SLC9A9: variants seen among roughly 807,000 people sequenced by gnomAD.
SLC9A9 encodes solute carrier family 9 member A9, also known as sodium/hydrogen exchanger 9.
In SLC9A9, 62 loss-of-function variants were observed where a neutral mutation model predicts 77.8. The observed-to-expected ratio is 0.80, with a 90% CI of 0.65 to 0.98. The LOEUF (loss-of-function observed/expected upper bound fraction) is 0.98, where lower values mean the gene tolerates loss of function less well. Among genes scored for constraint, SLC9A9 ranks in the 50% least tolerant of loss-of-function variants. The pLI, the probability that SLC9A9 is intolerant of heterozygous loss-of-function variation, is 0.00. For synonymous variants in SLC9A9, 320 were observed against 283.5 expected (o/e 1.13, Z -1.29); for missense variants, 775 against 774.9 (o/e 1.00, Z 0.00).
At chr3:143,418,794 A>G (rs972833238) in intron 12 of SLC9A9, among the ~76,000 whole-genome samples, 1 of 152,164 alleles carries the variant, frequency 6.6e-6, no homozygotes, top group Non-Finnish European at 1.5e-5. Context: ...CAGAGGCTTG[A>G]TTGTGTGAAT....
intron 13 of SLC9A9, among the ~76,000 whole-genome samples, chr3:143,378,107 T>G (rs1369113982): frequency 6.6e-6 from 1 of 152,242 alleles, no homozygotes; most frequent in East Asian, 1.9e-4. Flanking sequence ...CCTGCTTTAC[T>G]GTGATCATGC....
chr3:143,632,425 G>T (rs1357427256), intron 6 of SLC9A9, among the ~76,000 whole-genome samples: 2 of 151,998 alleles, frequency 1.3e-5, no homozygotes, highest in African/African-American at 2.4e-5. Context: ...GCCATCACAT[G>T]GTTTAAAATA....
chr3:143,805,585 G>T (rs565530763), intron 2 of SLC9A9, among the ~76,000 whole-genome samples: 1 of 152,226 alleles, frequency 6.6e-6, no homozygotes, highest in East Asian at 1.9e-4. Context: ...GAAAATGGCT[G>T]GTTCCTGCCT....
chr3:143,789,542 A>C (rs898431368), intron 4 of SLC9A9, among the ~76,000 whole-genome samples: 8 of 152,192 alleles, frequency 5.3e-5, no homozygotes, highest in Admixed American at 3.3e-4. Flanking sequence ...ATTGGCCTCC[A>C]TCTATGAAGG....
chr3:143,462,173 C>T (rs2035205113), intron 12 of SLC9A9, among the ~76,000 whole-genome samples: 1 of 152,064 alleles, frequency 6.6e-6, no homozygotes, highest in Non-Finnish European at 1.5e-5. Context: ...TTGAGATCAG[C>T]TTGGGCAATG....
At chr3:143,681,115 A>G (rs1251582288) in intron 5 of SLC9A9, among the ~76,000 whole-genome samples, 1 of 152,168 alleles carries the variant, frequency 6.6e-6, no homozygotes, top group Non-Finnish European at 1.5e-5. Flanking sequence ...CCTAAGAGTG[A>G]TAACTGTTTG....
intron 5 of SLC9A9, among the ~76,000 whole-genome samples, chr3:143,687,881 A>G (rs1406163387): frequency 2.0e-5 from 3 of 152,080 alleles, no homozygotes; most frequent in Non-Finnish European, 4.4e-5. Flanking sequence ...GATGCTCTTT[A>G]TGGTTATGAG....
intron 8 of SLC9A9, among the ~76,000 whole-genome samples, chr3:143,560,937 T>A (rs2037074069): frequency 6.6e-6 from 1 of 152,166 alleles, no homozygotes; most frequent in Non-Finnish European, 1.5e-5. Context: ...TCCCAGCACT[T>A]TGGGAGGCTG....
At chr3:143,315,371 G>C (rs1335505296) in intron 14 of SLC9A9, among the ~76,000 whole-genome samples, 1 of 152,150 alleles carries the variant, frequency 6.6e-6, no homozygotes, top group Non-Finnish European at 1.5e-5. Context: ...GGGCTCTAAC[G>C]GCAACATGTT....
chr3:143,697,865 G>C (rs576238447), intron 4 of SLC9A9, among the ~76,000 whole-genome samples: 1 of 152,180 alleles, frequency 6.6e-6, no homozygotes, highest in East Asian at 1.9e-4. Context: ...AGCTCGTATG[G>C]TAATTGTTAT....
chr3:143,805,012 A>C (rs1433467041), intron 2 of SLC9A9, among the ~76,000 whole-genome samples: 7 of 152,154 alleles, frequency 4.6e-5, no homozygotes, highest in Non-Finnish European at 1.0e-4. Flanking sequence ...TACCTAAATC[A>C]ATCTGGCCTG....
chr3:143,843,626 C>T (rs1484157593), intron 1 of SLC9A9, among the ~76,000 whole-genome samples: 1 of 152,192 alleles, frequency 6.6e-6, no homozygotes, highest in Non-Finnish European at 1.5e-5. Context: ...AGGCAGAATT[C>T]TAAGAGGTTT....
chr3:143,848,209 G>C lies in SLC9A9; in HGVS notation c.114C>G (p.Ile38Met). 6.2e-7 allele frequency: 1 copy of C among 1,613,986 alleles called. No homozygotes were observed. Among genetic ancestry groups the C allele is most frequent in the Non-Finnish European group, 8.5e-7 (1 of 1,179,926 alleles). Residue 38 changes from isoleucine to methionine, a missense_variant, in exon 1 of 16, where the codon ATC becomes ATG. Transcript: ENST00000316549. ...GGAATCGATGATTTTTAAATAACCA[G>C]ATTGTCAAAATGGTAAGGATGAGCA... ...NFLLILTILT[I>M]WLFKNHRFRF...
intron 14 of SLC9A9, among the ~76,000 whole-genome samples, chr3:143,274,545 T>C (rs1827339): frequency 0.38 from 57,528 of 152,016 alleles, 14,717 homozygotes; most frequent in African/African-American, 0.73. Context: ...ATACTCCCAC[T>C]ACGGCTAATT....
At chr3:143,596,088 T>A (rs1323148265) in intron 6 of SLC9A9, among the ~76,000 whole-genome samples, 2 of 152,134 alleles carry the variant, frequency 1.3e-5, no homozygotes, top group Non-Finnish European at 2.9e-5. Context: ...CTCTATGTCG[T>A]CTGAGTGATG....
At chr3:143,382,007 T>C (rs2033314719) in intron 13 of SLC9A9, 53 bp downstream of exon 13, 1 of 1,602,380 alleles carries the variant, frequency 6.2e-7, no homozygotes, top group Admixed American at 1.7e-5. Flanking sequence ...GAACAGCCTA[T>C]GGAACAGAAC....
At chr3:143,546,768 C>G (rs1280129820) in intron 9 of SLC9A9, among the ~76,000 whole-genome samples, 1 of 152,180 alleles carries the variant, frequency 6.6e-6, no homozygotes, top group African/African-American at 2.4e-5. Context: ...TGTTTCATCT[C>G]CTTAACATAA....
chr3:143,543,062 T>C (rs575253548), intron 9 of SLC9A9, among the ~76,000 whole-genome samples: 2 of 152,378 alleles, frequency 1.3e-5, no homozygotes, highest in East Asian at 1.9e-4. Context: ...AAAAATACTA[T>C]GAATTGTCCA....
chr3:143,426,311 G>T (rs757461524), intron 12 of SLC9A9, among the ~76,000 whole-genome samples: 2 of 152,106 alleles, frequency 1.3e-5, no homozygotes, highest in Non-Finnish European at 2.9e-5. Flanking sequence ...TCAAGGATAC[G>T]AACTACTAAA....
Sources: gnomAD v4.1 joint callset for allele counts (sites outside exome capture counted in the v4.1 genomes callset) on GRCh38, gnomAD v4.1.1 for gene constraint, MANE v1.5 for transcripts, NCBI Gene and HGNC (gene_info 2026-07-23, HGNC 2026-07-21) for gene names.